HCLS1: variants seen among roughly 807,000 people sequenced by gnomAD.
HCLS1 encodes the protein hematopoietic cell-specific Lyn substrate 1.
A neutral mutation model predicts 68.6 loss-of-function variants in HCLS1; 44 were observed. The ratio of observed to expected loss-of-function variants is 0.64; its 90% CI spans 0.50 to 0.82. HCLS1 has a LOEUF of 0.82. HCLS1 is among the 40% of genes least tolerant of loss of function. The pLI, the probability that HCLS1 is intolerant of heterozygous loss-of-function variation, is 0.00. For missense variants in HCLS1, 602 were observed against 612.1 expected, an observed-to-expected ratio of 0.98 and a Z score of 0.17; for synonymous variants, 217 against 225.8, an observed-to-expected ratio of 0.96 and a Z score of 0.35.
intron 3 of HCLS1, among the ~76,000 whole-genome samples, chr3:121,652,778 A>G (rs902549278): frequency 1.3e-5 from 2 of 152,338 alleles, no homozygotes; most frequent in African/African-American, 4.8e-5. Context: ...ATTAAGGCCA[A>G]CTTATCAAGT....
intron 8 of HCLS1, 60 bp from the exon 9 acceptor site, chr3:121,635,864 G>A: frequency 1.4e-6 from 2 of 1,395,112 alleles, no homozygotes; most frequent in Non-Finnish European, 2.0e-6. Flanking sequence ...TGGTGACCTG[G>A]AGGTAGTATT....
At chr3:121,632,062 C>T (rs748878546) in intron 13 of HCLS1, 39 bp downstream of exon 13, 4 of 1,611,202 alleles carry the variant, frequency 2.5e-6, no homozygotes, top group Admixed American at 1.7e-5. Context: ...ATATCAGGGG[C>T]CTCCATGTAC....
At chr3:121,657,393 TGTGCC>T in intron 2 of HCLS1, 41 bp from the exon 3 acceptor site, 1 of 1,596,094 alleles carries the variant, frequency 6.3e-7, no homozygotes, top group Non-Finnish European at 8.6e-7. Flanking sequence ...CGGCAAGAAA[TGTGCC>T]ACATTGAGAA....
In HCLS1 at chr3:121,631,962, A is replaced by G. The variant is rs1374195511; in HGVS notation, c.1345T>C (p.Phe449Leu). 6.2e-7 allele frequency: 1 copy of G among 1,614,114 alleles called. No individual in the cohort carries two copies. Among genetic ancestry groups the G allele is most frequent in the African/African-American group, 1.3e-5 (1 of 74,946 alleles). Residue 449 changes from phenylalanine to leucine, a missense_variant, in exon 14 of 14, where the codon TTT becomes CTT. Transcript: ENST00000314583. ...YQGEGSDELS[F>L]DPDDVITDIE... ...TCAGTGATTACGTCGTCCGGATCAA[A>G]GGAAAGCTCATCACTTCCCTCTGGG...
intron 3 of HCLS1, chr3:121,656,024 T>C (rs914178349): frequency 9.2e-5 from 14 of 151,886 alleles, no homozygotes; most frequent in African/African-American, 3.4e-4. Context: ...AATTTTTGTA[T>C]TTTTAGTAGA....
At chr3:121,636,525 A>G in intron 7 of HCLS1, 36 bp from the exon 8 acceptor site, 1 of 1,515,072 alleles carries the variant, frequency 6.6e-7, no homozygotes, top group Non-Finnish European at 9.2e-7. Context: ...TAGGAGATCA[A>G]AATGCTGGGA....
intron 5 of HCLS1, chr3:121,644,004 A>G (rs1234636795): frequency 1.3e-5 from 2 of 152,684 alleles, no homozygotes; most frequent in Non-Finnish European, 2.9e-5. Flanking sequence ...GATGCAAACA[A>G]TTAATTTTCT....
At chr3:121,637,325 A>G in intron 6 of HCLS1, 69 bp from the exon 7 acceptor site, 1 of 998,594 alleles carries the variant, frequency 1.0e-6, no homozygotes, top group African/African-American at 1.6e-5. Flanking sequence ...GCTGGAGAAG[A>G]GAGGTCAGCA....
At chr3:121,657,159 A>G in intron 3 of HCLS1, 120 bp downstream of exon 3, 1 of 780,060 alleles carries the variant, frequency 1.3e-6, no homozygotes, top group South Asian at 1.7e-5. Context: ...AACAAACACA[A>G]TAATACATAG....
At chr3:121,636,372 C>T (rs2049151363) in intron 8 of HCLS1, 62 bp downstream of exon 8, 1 of 1,368,624 alleles carries the variant, frequency 7.3e-7, no homozygotes, top group South Asian at 1.2e-5. Flanking sequence ...TCACGCTCTT[C>T]TCTGCACACT....
At chr3:121,641,838 T>C (rs1252379799) in intron 6 of HCLS1, among the ~76,000 whole-genome samples, 1 of 152,098 alleles carries the variant, frequency 6.6e-6, no homozygotes, top group East Asian at 1.9e-4. Flanking sequence ...TCCCAGCACT[T>C]TGGGAAGCCG....
chr3:121,631,910 C>A lies in HCLS1; in HGVS notation c.1397G>T (p.Trp466Leu). The change falls in exon 14 of 14, where the codon TGG becomes TTG. Residue 466 changes from tryptophan to leucine, a missense_variant. Physicochemically the swap from Trp to Leu is moderately conservative, Grantham distance 61. Transcript: ENST00000314583. ...TDIEMVDEGW[W>L]RGRCHGHFGL... ...AAAGTGGCCATGGCAACGTCCCCGCCACCAGCCCTCGTCCACCATCTCAAT... is the reference window on the plus strand; with the variant it reads ...AAAGTGGCCATGGCAACGTCCCCGCAACCAGCCCTCGTCCACCATCTCAAT... 6.2e-7 allele frequency: 1 copy of A among 1,614,180 alleles called. No homozygotes were observed. The highest frequency in any genetic ancestry group is 8.5e-7 in the Non-Finnish European group (1 of 1,180,018).
rs59288284 is a variant in HCLS1 at position 121,659,020 on chromosome 3, T to A, written c.1-673A>T. On this transcript the variant is annotated intron_variant, in intron 1 of 13. Transcript: ENST00000314583. The stretch of plus-strand genomic sequence containing the variant: ...ATAAGTCAGTTATTACTCAATTTTT[T>A]AAAAATGGTTCAATTAATTGCTAAA... 0.031 allele frequency among the ~76,000 whole-genome samples: 4,731 copies of A among 152,290 alleles called. 511 individuals carry two copies. The East Asian group carries it at 0.41, about 13-fold the overall frequency.
intron 3 of HCLS1, among the ~76,000 whole-genome samples, chr3:121,650,706 A>G (rs1937731217): frequency 6.6e-6 from 1 of 152,254 alleles, no homozygotes. Context: ...AGGACAAAAC[A>G]TCAAAGAAAG....
chr3:121,636,522 T>A (rs1415714353), intron 7 of HCLS1, 33 bp from the exon 8 acceptor site: 4 of 1,560,580 alleles, frequency 2.6e-6, no homozygotes, highest in Admixed American at 1.7e-5. Context: ...TTATAGGAGA[T>A]CAAAATGCTG....
chr3:121,653,853 A>G (rs1937805064), intron 3 of HCLS1: 1 of 152,244 alleles, frequency 6.6e-6, no homozygotes, highest in Admixed American at 6.5e-5. Flanking sequence ...ATTATTCCAG[A>G]GCAGTGCCAC....
intron 3 of HCLS1, among the ~76,000 whole-genome samples, chr3:121,652,448 G>A (rs1937771006): frequency 6.6e-6 from 1 of 152,182 alleles, no homozygotes; most frequent in African/African-American, 2.4e-5. Context: ...GAGGTCAGGA[G>A]TTCAAGACCA....
At chr3:121,649,592 T>A (rs1021625490) in intron 3 of HCLS1, among the ~76,000 whole-genome samples, 1 of 152,182 alleles carries the variant, frequency 6.6e-6, no homozygotes. Flanking sequence ...AAACAACTTT[T>A]AAGTGTGAGG....
intron 4 of HCLS1, among the ~76,000 whole-genome samples, chr3:121,646,539 GTATATAT>G (rs1049472699): frequency 2.0e-5 from 2 of 101,506 alleles, no homozygotes; most frequent in Non-Finnish European, 3.5e-5. Flanking sequence ...AAGTATATAA[GTATATAT>G]TATATATATT....
Sources: allele counts gnomAD v4.1 joint callset (sites outside exome capture counted in the v4.1 genomes callset), GRCh38; gene constraint gnomAD v4.1.1; transcripts MANE v1.5; gene names NCBI Gene and HGNC (gene_info 2026-07-23, HGNC 2026-07-21).